IMMP2L: variants seen among roughly 807,000 people sequenced by gnomAD.
IMMP2L encodes inner mitochondrial membrane peptidase subunit 2.
Under a neutral mutation model 19.3 loss-of-function variants are expected in IMMP2L, and 18 were observed. That is an observed-to-expected ratio of 0.93 (90% CI 0.64 to 1.38). The LOEUF (loss-of-function observed/expected upper bound fraction) is 1.38, where lower values mean the gene tolerates loss of function less well. Ranked by LOEUF, IMMP2L falls within the 40% of genes most tolerant of loss-of-function variation. The pLI, the probability that IMMP2L is intolerant of heterozygous loss-of-function variation, is 0.00. For missense variants in IMMP2L, 233 were observed against 218.2 expected, an observed-to-expected ratio of 1.07 and a Z score of -0.43; for synonymous variants, 76 against 73.0, an observed-to-expected ratio of 1.04 and a Z score of -0.21.
intron 3 of IMMP2L, among the ~76,000 whole-genome samples, chr7:111,393,603 T>C (rs1832597532): frequency 6.6e-6 from 1 of 152,150 alleles, no homozygotes; most frequent in Non-Finnish European, 1.5e-5. Context: ...AGGGAATGGT[T>C]TACAGGCTCA....
At chr7:111,334,811 C>T (rs1213030334) in intron 3 of IMMP2L, among the ~76,000 whole-genome samples, 1 of 152,058 alleles carries the variant, frequency 6.6e-6, no homozygotes, top group African/African-American at 2.4e-5. Flanking sequence ...TAAACCTTCA[C>T]TTGTATTTCT....
chr7:110,857,647 T>A (rs1277524635), intron 5 of IMMP2L, among the ~76,000 whole-genome samples: 2 of 152,088 alleles, frequency 1.3e-5, no homozygotes, highest in African/African-American at 4.8e-5. Flanking sequence ...AGAACTTTAT[T>A]AGTCTTATGA....
At chr7:111,031,630 A>G (rs886387679) in intron 3 of IMMP2L, among the ~76,000 whole-genome samples, 2 of 152,216 alleles carry the variant, frequency 1.3e-5, no homozygotes, top group Non-Finnish European at 2.9e-5. Flanking sequence ...AGTATATCCA[A>G]CGGAGGAAAT....
At chr7:110,673,633 C>T (rs921037952) in intron 5 of IMMP2L, among the ~76,000 whole-genome samples, 5 of 152,190 alleles carry the variant, frequency 3.3e-5, no homozygotes, top group Non-Finnish European at 5.9e-5. Context: ...ATCTCTCTCA[C>T]GTTTAAAGTT....
chr7:111,204,262 T>G (rs932505653), intron 3 of IMMP2L, among the ~76,000 whole-genome samples: 7 of 152,166 alleles, frequency 4.6e-5, no homozygotes, highest in African/African-American at 1.7e-4. Context: ...ATGAGAGGCA[T>G]CTACCTTTAA....
chr7:111,180,300 A>G (rs1297028399), intron 3 of IMMP2L, among the ~76,000 whole-genome samples: 1 of 152,026 alleles, frequency 6.6e-6, no homozygotes, highest in Non-Finnish European at 1.5e-5. Context: ...TTGGACACTT[A>G]GAGGCCATTG....
chr7:111,108,840 T>C (rs1314978816), intron 3 of IMMP2L, among the ~76,000 whole-genome samples: 1 of 152,106 alleles, frequency 6.6e-6, no homozygotes, highest in Non-Finnish European at 1.5e-5. Context: ...AAATGTATAA[T>C]AAGATGGAAA....
intron 3 of IMMP2L, among the ~76,000 whole-genome samples, chr7:111,413,847 T>C (rs1478216392): frequency 6.6e-6 from 1 of 151,696 alleles, no homozygotes; most frequent in South Asian, 2.1e-4. Flanking sequence ...GAGAGAACAA[T>C]GCAAGATGAA....
chr7:110,844,629 G>A (rs1182368140), intron 5 of IMMP2L, among the ~76,000 whole-genome samples: 1 of 138,520 alleles, frequency 7.2e-6, no homozygotes, highest in Middle Eastern at 3.7e-3. Context: ...AGTTTAGAAA[G>A]ATAAATCTAG....
intron 3 of IMMP2L, among the ~76,000 whole-genome samples, chr7:111,371,332 C>T (rs1486981762): frequency 6.6e-6 from 1 of 151,990 alleles, no homozygotes; most frequent in African/African-American, 2.4e-5. Flanking sequence ...CATACTTTTG[C>T]ATCTTTCTAT....
At position 111,498,217 on chromosome 7, in the gene IMMP2L, T is replaced by A. The variant is rs955011658; in HGVS notation, c.136-10876A>T. Among the ~76,000 whole-genome samples the A allele has an allele frequency of 2.0e-5, 3 of 152,140 alleles. 1 individual carries two copies. Among genetic ancestry groups the A allele is most frequent in the African/African-American group, 7.2e-5 (3 of 41,454 alleles). On this transcript the variant is annotated intron_variant, in intron 2 of 5. Transcript: ENST00000405709. ...TTTCAATGCACTAATTATAAAATAC[T>A]ACCATTAAATACGTGCATTGTGTTT...
rs1791766714 is a variant in IMMP2L at position 111,040,252 on chromosome 7, T to G, written c.240-76687A>C. Among the ~76,000 whole-genome samples, 3 of 152,342 alleles carry G rather than the reference T, an allele frequency of 2.0e-5. No individual in the cohort carries two copies. In the South Asian group the frequency reaches 6.2e-4, roughly 32 times the overall value. On this transcript the variant is annotated intron_variant, in intron 3 of 5. Coordinates refer to ENST00000405709, the MANE Select transcript of IMMP2L (RefSeq NM_032549.4). The stretch of plus-strand genomic sequence containing the variant: ...CCAAAGTTTCCAAAAATTATTTATT[T>G]GAAAAGAATTTTAGGTTGCTATTAA...
intron 3 of IMMP2L, among the ~76,000 whole-genome samples, chr7:111,181,028 T>C (rs987786505): frequency 2.0e-5 from 3 of 152,024 alleles, no homozygotes; most frequent in Non-Finnish European, 4.4e-5. Context: ...TACTATACCA[T>C]TATTACTATG....
chr7:111,474,768 C>T (rs1290517714), intron 3 of IMMP2L, among the ~76,000 whole-genome samples: 5 of 152,028 alleles, frequency 3.3e-5, no homozygotes, highest in Non-Finnish European at 7.4e-5. Context: ...AACACAGTGT[C>T]ATTGTTACCA....
At chr7:111,372,870 T>C (rs537480099) in intron 3 of IMMP2L, among the ~76,000 whole-genome samples, 1 of 152,204 alleles carries the variant, frequency 6.6e-6, no homozygotes, top group South Asian at 2.1e-4. Flanking sequence ...TCAAGTGCTG[T>C]AGATCATTGA....
intron 5 of IMMP2L, among the ~76,000 whole-genome samples, chr7:110,812,393 A>T (rs1398032940): frequency 2.0e-5 from 3 of 152,196 alleles, no homozygotes; most frequent in South Asian, 2.1e-4. Flanking sequence ...AGGAGTTAGA[A>T]GGAGCCAGTG....
intron 4 of IMMP2L, among the ~76,000 whole-genome samples, chr7:110,930,846 C>G (rs1374566292): frequency 6.6e-6 from 1 of 151,930 alleles, no homozygotes; most frequent in African/African-American, 2.4e-5. Flanking sequence ...TCAATTATAC[C>G]CTAAGTTCAT....
chr7:110,968,711 CCA>C, intron 3 of IMMP2L, among the ~76,000 whole-genome samples: 1 of 152,084 alleles, frequency 6.6e-6, no homozygotes, highest in East Asian at 1.9e-4. Flanking sequence ...AGACGATTTG[CCA>C]CAGTCCCGCC....
chr7:111,490,744 A>G (rs1843027845), intron 2 of IMMP2L, among the ~76,000 whole-genome samples: 3 of 152,298 alleles, frequency 2.0e-5, no homozygotes, highest in East Asian at 1.9e-4. Context: ...GTGATGAATA[A>G]TAACTATTAT....
Sources: gnomAD v4.1 joint callset for allele counts (sites outside exome capture counted in the v4.1 genomes callset) on GRCh38, gnomAD v4.1.1 for gene constraint, MANE v1.5 for transcripts, NCBI Gene and HGNC (gene_info 2026-07-23, HGNC 2026-07-21) for gene names.